The following CTDSPL2 variants were observed in gnomAD, a reference collection of about 807,000 sequenced individuals.
CTDSPL2 encodes the protein CTD small phosphatase-like protein 2.
CTDSPL2 carries 5 observed loss-of-function variants against 60.0 expected under a neutral mutation model. That is an observed-to-expected ratio of 0.08 (90% CI 0.04 to 0.18). The LOEUF is 0.18. Among genes scored for constraint, CTDSPL2 ranks in the 10% least tolerant of loss-of-function variants. CTDSPL2 has a pLI of 1.00. For missense variants in CTDSPL2, 370 were observed against 548.8 expected (o/e 0.67, Z 3.26); for synonymous variants, 186 against 189.3 (o/e 0.98, Z 0.14).
intron 1 of CTDSPL2, among the ~76,000 whole-genome samples, chr15:44,458,399 A>G (rs931878126): frequency 6.6e-6 from 1 of 152,222 alleles, no homozygotes; most frequent in Admixed American, 6.5e-5. Context: ...TTCTGATGTG[A>G]ATCGTTTTAA....
At chr15:44,486,469 A>T in intron 3 of CTDSPL2, 82 bp from the exon 4 acceptor site, 1 of 941,922 alleles carries the variant, frequency 1.1e-6, no homozygotes, top group Non-Finnish European at 1.5e-6. Context: ...AAAAAGAGTT[A>T]CTTCTATAAT....
At chr15:44,451,887 A>G (rs960668186) in intron 1 of CTDSPL2, among the ~76,000 whole-genome samples, 5 of 152,198 alleles carry the variant, frequency 3.3e-5, no homozygotes, top group African/African-American at 1.2e-4. Flanking sequence ...ATATATTTGC[A>G]TAGCCTAGTG....
intron 2 of CTDSPL2, among the ~76,000 whole-genome samples, chr15:44,479,808 C>T (rs562937287): frequency 6.6e-6 from 1 of 152,082 alleles, no homozygotes; most frequent in African/African-American, 2.4e-5. Flanking sequence ...AGGTATTGTT[C>T]TGCTCCACGT....
intron 2 of CTDSPL2, among the ~76,000 whole-genome samples, chr15:44,476,169 T>C (rs1282017789): frequency 1.3e-5 from 2 of 152,080 alleles, no homozygotes; most frequent in Non-Finnish European, 2.9e-5. Context: ...CCCGGGTTCA[T>C]GCCATTCTCC....
intron 1 of CTDSPL2, among the ~76,000 whole-genome samples, chr15:44,441,343 G>A (rs1425317346): frequency 3.3e-5 from 5 of 152,042 alleles, no homozygotes; most frequent in South Asian, 2.1e-4. Flanking sequence ...TTGGGGCTTC[G>A]TATTTTTCCC....
At chr15:44,444,629 A>G (rs1405352088) in intron 1 of CTDSPL2, among the ~76,000 whole-genome samples, 1 of 151,792 alleles carries the variant, frequency 6.6e-6, no homozygotes, top group Non-Finnish European at 1.5e-5. Context: ...TACTGGTGTG[A>G]GCCACCACAC....
rs1302899820 is a variant in CTDSPL2 at position 44,524,812 on chromosome 15, A to T, written c.*638A>T. On this transcript the variant is annotated 3_prime_UTR_variant, in exon 13 of 13. Transcript: ENST00000260327. ...CTGCCTGCACATTGTATATTTGTTT[A>T]AAAATATTCTCTACTTTTAGTCTAT... 2.0e-5 allele frequency: 3 copies of T among 152,668 alleles called. No individual in the cohort carries two copies. Among genetic ancestry groups the T allele is most frequent in the Admixed American group, 6.5e-5 (1 of 15,278 alleles). 9.5% of individuals were successfully genotyped at this position (152,668 alleles called of 1,614,324 possible).
intron 2 of CTDSPL2, among the ~76,000 whole-genome samples, chr15:44,467,264 A>C (rs988436405): frequency 6.6e-6 from 1 of 152,220 alleles, no homozygotes; most frequent in Non-Finnish European, 1.5e-5. Context: ...TCATATGCCA[A>C]ATAATGAGAG....
At chr15:44,437,136 T>C (rs527727005) in intron 1 of CTDSPL2, among the ~76,000 whole-genome samples, 9 of 152,344 alleles carry the variant, frequency 5.9e-5, no homozygotes, top group African/African-American at 2.2e-4. Flanking sequence ...TGTGACATTA[T>C]GTATGTTGGT....
At chr15:44,522,613 C>T (rs1033427107) in intron 12 of CTDSPL2, among the ~76,000 whole-genome samples, 11 of 151,782 alleles carry the variant, frequency 7.2e-5, no homozygotes, top group African/African-American at 2.4e-4. Context: ...ATGAGCTGGG[C>T]GTAGTGGTGG....
chr15:44,471,834 A>G (rs1213046829), intron 2 of CTDSPL2, among the ~76,000 whole-genome samples: 1 of 152,014 alleles, frequency 6.6e-6, no homozygotes, highest in African/African-American at 2.4e-5. Context: ...ATTTTGCTAT[A>G]TTTTGGACAT....
intron 8 of CTDSPL2, among the ~76,000 whole-genome samples, chr15:44,509,699 G>C (rs145052738): frequency 0.081 from 12,347 of 151,730 alleles, 968 homozygotes; most frequent in East Asian, 0.23. Flanking sequence ...ATAATCCCAG[G>C]ACTTTGGGAG....
At chr15:44,491,662 C>T (rs536663423) in intron 5 of CTDSPL2, among the ~76,000 whole-genome samples, 1 of 152,188 alleles carries the variant, frequency 6.6e-6, no homozygotes, top group South Asian at 2.1e-4. Context: ...GAGATTTTAT[C>T]TTAAATTTGT....
chr15:44,500,821 T>C (rs991705464), intron 8 of CTDSPL2, among the ~76,000 whole-genome samples: 2 of 152,182 alleles, frequency 1.3e-5, no homozygotes, highest in African/African-American at 2.4e-5. Flanking sequence ...GTAAGAGGAT[T>C]TATTTTAGTT....
chr15:44,514,493 A>T (rs7176244), intron 8 of CTDSPL2, 105 bp from the exon 9 acceptor site: 2 of 730,322 alleles, frequency 2.7e-6, no homozygotes, highest in South Asian at 3.3e-5. Context: ...ACTTTAAAAC[A>T]TGAACTTTTT....
intron 4 of CTDSPL2, among the ~76,000 whole-genome samples, chr15:44,487,414 T>C (rs2081140014): frequency 6.6e-6 from 1 of 152,112 alleles, no homozygotes; most frequent in African/African-American, 2.4e-5. Flanking sequence ...GGCTGCAGTG[T>C]GCTGTGATTG....
rs372171888 is a variant in CTDSPL2 at position 44,459,312 on chromosome 15, G to A, written c.186+112G>A. The A allele has an allele frequency of 2.4e-5, 15 of 637,032 alleles. No individual in the cohort carries two copies. The African/African-American group carries it at 2.5e-4, about 11-fold the overall frequency. 39.5% of individuals were successfully genotyped at this position (637,032 alleles called of 1,614,324 possible). A position where few individuals can be genotyped will look rare whatever the true frequency, so the allele number is the denominator to read the frequency against. ...AGAGCCCCAGGCAGGTGGATCACGA[G>A]GTCAGGAGATCGAGACCATCCTGGC... On this transcript the variant is annotated intron_variant, in intron 2 of 12. Coordinates refer to ENST00000260327, the MANE Select transcript of CTDSPL2 (RefSeq NM_016396.3).
intron 10 of CTDSPL2, among the ~76,000 whole-genome samples, chr15:44,515,696 C>A (rs2081638477): frequency 1.3e-5 from 2 of 152,052 alleles, no homozygotes; most frequent in Non-Finnish European, 2.9e-5. Context: ...TATGGAGAAA[C>A]CCCGTGTCTC....
At chr15:44,436,584 A>ATG (rs2079986484) in intron 1 of CTDSPL2, among the ~76,000 whole-genome samples, 1 of 152,234 alleles carries the variant, frequency 6.6e-6, no homozygotes, top group African/African-American at 2.4e-5. Context: ...GCAGTGTCTC[A>ATG]CAGCTAACTA....
Sources: gnomAD v4.1 joint callset for allele counts (sites outside exome capture counted in the v4.1 genomes callset) on GRCh38, gnomAD v4.1.1 for gene constraint, MANE v1.5 for transcripts, NCBI Gene and HGNC (gene_info 2026-07-23, HGNC 2026-07-21) for gene names.